SLC2A13: variants seen among roughly 807,000 people sequenced by gnomAD.
SLC2A13 encodes the protein proton myo-inositol cotransporter.
SLC2A13 carries 32 observed loss-of-function variants against 64.4 expected under a neutral mutation model. The observed-to-expected ratio is 0.50, with a 90% CI of 0.37 to 0.67. SLC2A13 has a LOEUF of 0.67. SLC2A13 is among the 30% of genes least tolerant of loss of function. The pLI is 0.00. For synonymous variants in SLC2A13, 338 were observed against 327.1 expected, an observed-to-expected ratio of 1.03 and a Z score of -0.36; for missense variants, 743 against 829.2, an observed-to-expected ratio of 0.90 and a Z score of 1.28.
chr12:39,869,416 A>G (rs73274698), intron 5 of SLC2A13, among the ~76,000 whole-genome samples: 1,861 of 152,320 alleles, frequency 0.012, 33 homozygotes, highest in African/African-American at 0.043. Flanking sequence ...ACAAGAAACC[A>G]GGACTTCCAC....
chr12:39,886,873 T>C (rs1944476859), intron 4 of SLC2A13, among the ~76,000 whole-genome samples: 1 of 152,188 alleles, frequency 6.6e-6, no homozygotes, highest in Admixed American at 6.5e-5. Context: ...AGAAGTAATA[T>C]TTTTGAGCAC....
rs950619369 is a variant in SLC2A13 at position 40,105,601 on chromosome 12, G to A, written c.208C>T (p.Arg70Trp). ...GGGGTCTCGTCCTGCTGGAACTGCC[G>A]CCGCGCCGCGCGCTCCAGGTCCCCG... ...GVGDLERAAR[R>W]QFQQDETPAF... The change falls in exon 1 of 10, where the codon CGG (arginine) becomes TGG (tryptophan). Residue 70 changes from arginine to tryptophan, a missense_variant. Transcript: ENST00000280871. This position sits in a 1 kb window ranked among gnomAD's most constrained non-coding sequence, Gnocchi z 4.2. 5 of 1,523,190 alleles carry A rather than the reference G, an allele frequency of 3.3e-6. No homozygotes were observed. The African/African-American group carries it at 5.8e-5, about 18-fold the overall frequency. The allele number at this position is 1,523,190 out of a possible 1,614,324, so 94.4% of individuals were successfully genotyped here.
intron 4 of SLC2A13, among the ~76,000 whole-genome samples, chr12:39,905,519 C>G (rs944506547): frequency 6.6e-6 from 1 of 152,060 alleles, no homozygotes; most frequent in East Asian, 1.9e-4. Context: ...TTCTCATTTA[C>G]AAATATGGTC....
At chr12:39,922,551 A>G (rs1945632501) in intron 4 of SLC2A13, among the ~76,000 whole-genome samples, 1 of 152,192 alleles carries the variant, frequency 6.6e-6, no homozygotes, top group African/African-American at 2.4e-5. Flanking sequence ...AAAATGGGAA[A>G]AGAGGTTGGG....
At chr12:39,841,364 T>C (rs1943172421) in intron 6 of SLC2A13, among the ~76,000 whole-genome samples, 1 of 152,128 alleles carries the variant, frequency 6.6e-6, no homozygotes, top group African/African-American at 2.4e-5. Context: ...TTCTTGCATT[T>C]CATCTGAACA....
chr12:39,941,563 T>C (rs1468588920), intron 4 of SLC2A13, among the ~76,000 whole-genome samples: 2 of 152,232 alleles, frequency 1.3e-5, no homozygotes, highest in African/African-American at 4.8e-5. Context: ...GCCATTTCTA[T>C]ATATCCTGTT....
At chr12:40,030,840 G>A (rs535901003) in intron 2 of SLC2A13, among the ~76,000 whole-genome samples, 105 of 152,220 alleles carry the variant, frequency 6.9e-4, no homozygotes, top group African/African-American at 4.3e-4. Context: ...GACAGAATAG[G>A]CCTTCCCACC....
intron 1 of SLC2A13, among the ~76,000 whole-genome samples, chr12:40,103,553 A>G (rs1939210976): frequency 6.6e-6 from 1 of 152,244 alleles, no homozygotes; most frequent in African/African-American, 2.4e-5. Flanking sequence ...GTCAGATAAA[A>G]AGAGTAAACA....
intron 2 of SLC2A13, among the ~76,000 whole-genome samples, chr12:40,040,622 C>A (rs980294106): frequency 6.6e-6 from 1 of 152,128 alleles, no homozygotes; most frequent in South Asian, 2.1e-4. Context: ...GAACTCCTGA[C>A]CTCAGGTGAT....
intron 7 of SLC2A13, among the ~76,000 whole-genome samples, chr12:39,786,590 G>A (rs1378027842): frequency 6.6e-6 from 1 of 152,202 alleles, no homozygotes; most frequent in African/African-American, 2.4e-5. Context: ...AAAGCACAAG[G>A]AGAGCATGAT....
intron 1 of SLC2A13, among the ~76,000 whole-genome samples, chr12:40,072,882 CAA>C (rs1938018305): frequency 6.6e-6 from 1 of 151,988 alleles, no homozygotes; most frequent in Non-Finnish European, 1.5e-5. Context: ...ACAATTAGAT[CAA>C]AGTCTACCAT....
chr12:39,949,455 C>T (rs1287414783), intron 4 of SLC2A13: 5 of 152,088 alleles, frequency 3.3e-5, no homozygotes, highest in African/African-American at 1.2e-4. Flanking sequence ...TATCAGGATC[C>T]TTATATCACT....
chr12:40,090,849 T>G (rs1339803418), intron 1 of SLC2A13, among the ~76,000 whole-genome samples: 1 of 152,216 alleles, frequency 6.6e-6, no homozygotes, highest in Non-Finnish European at 1.5e-5. Flanking sequence ...CTATTTTATA[T>G]TATCTATGAA....
chr12:39,893,176 A>C (rs1168312402), intron 4 of SLC2A13, among the ~76,000 whole-genome samples: 1 of 152,258 alleles, frequency 6.6e-6, no homozygotes, highest in Admixed American at 6.5e-5. Context: ...TCAGTCATTT[A>C]AATTAGATTG....
intron 7 of SLC2A13, among the ~76,000 whole-genome samples, chr12:39,777,897 T>C (rs768631548): frequency 1.3e-5 from 2 of 152,210 alleles, no homozygotes; most frequent in African/African-American, 2.4e-5. Flanking sequence ...GCAAGATCCC[T>C]AGGATACAGA....
chr12:39,876,059 T>G (rs995072776), intron 4 of SLC2A13, among the ~76,000 whole-genome samples: 1 of 152,222 alleles, frequency 6.6e-6, no homozygotes, highest in African/African-American at 2.4e-5. Flanking sequence ...TTATAATATC[T>G]ATCAGACAAA....
intron 4 of SLC2A13, among the ~76,000 whole-genome samples, chr12:39,908,843 A>C (rs1210338167): frequency 1.3e-5 from 2 of 152,014 alleles, no homozygotes; most frequent in East Asian, 3.9e-4. Flanking sequence ...TATGAAAAGC[A>C]TGAGGAAGAT....
At chr12:39,795,824 A>G (rs970005798) in intron 7 of SLC2A13, among the ~76,000 whole-genome samples, 1 of 152,062 alleles carries the variant, frequency 6.6e-6, no homozygotes, top group African/African-American at 2.4e-5. Flanking sequence ...GAGGGAGGAA[A>G]CTTCCTTGCT....
At chr12:40,059,909 T>C (rs1365147350) in intron 1 of SLC2A13, among the ~76,000 whole-genome samples, 2 of 152,140 alleles carry the variant, frequency 1.3e-5, no homozygotes, top group Non-Finnish European at 2.9e-5. Flanking sequence ...ATTAGAGTCC[T>C]GTCTTGGACA....
Sources: allele counts gnomAD v4.1 joint callset (sites outside exome capture counted in the v4.1 genomes callset), GRCh38; gene constraint gnomAD v4.1.1; non-coding constraint Gnocchi (gnomAD v3.1); transcripts MANE v1.5; gene names NCBI Gene and HGNC (gene_info 2026-07-23, HGNC 2026-07-21).